Variants in PARD6G observed in about 807,000 individuals in gnomAD.
PARD6G encodes par-6 family cell polarity regulator gamma, also known as partitioning defective 6 homolog gamma.
In PARD6G, 7 loss-of-function variants were observed where a neutral mutation model predicts 10.7. That is an observed-to-expected ratio of 0.66 (90% CI 0.37 to 1.23). PARD6G has a LOEUF of 1.23. Among genes scored for constraint, PARD6G ranks in the 50% most tolerant of loss-of-function variants. The pLI is 0.02. For missense variants in PARD6G, 548 were observed against 571.8 expected, an observed-to-expected ratio of 0.96 and a Z score of 0.42; for synonymous variants, 287 against 269.4, an observed-to-expected ratio of 1.07 and a Z score of -0.64.
chr18:80,164,764 C>T (rs1225367187), intron 2 of PARD6G, among the ~76,000 whole-genome samples: 6 of 152,152 alleles, frequency 3.9e-5, no homozygotes, highest in Admixed American at 6.5e-5. Flanking sequence ...CATCACCTAT[C>T]GGTAGGTCCG....
At chr18:80,193,169 C>A (rs1268603167) in intron 2 of PARD6G, among the ~76,000 whole-genome samples, 1 of 152,244 alleles carries the variant, frequency 6.6e-6, no homozygotes, top group East Asian at 1.9e-4. Context: ...CTGACCCTGA[C>A]GTCCTCCCCA....
In PARD6G at chr18:80,180,165, G is replaced by A. The variant is rs1252932568; in HGVS notation, c.296-19559C>T. ...CCGGGACGGGAATGGCCATTGGTGT[G>A]TCAGCTGCTCACCTGGGCTTGGGTG... is the stretch of plus-strand genomic sequence containing the variant. On this transcript the variant is annotated intron_variant, in intron 2 of 2. Transcript: ENST00000353265. The surrounding 1 kb of genome is among the most constrained non-coding windows in gnomAD (Gnocchi z 5.6). Among the ~76,000 whole-genome samples the A allele has an allele frequency of 6.6e-6, 1 of 152,258 alleles. No homozygotes were observed. Among genetic ancestry groups the A allele is most frequent in the Non-Finnish European group, 1.5e-5 (1 of 68,042 alleles).
chr18:80,198,380 ATG>A (rs1391829863), intron 2 of PARD6G, among the ~76,000 whole-genome samples: 2 of 152,248 alleles, frequency 1.3e-5, no homozygotes, highest in Non-Finnish European at 2.9e-5. Context: ...AGTAAAACAA[ATG>A]TGTGACAGAT....
At chr18:80,196,384 T>C (rs1286706617) in intron 2 of PARD6G, among the ~76,000 whole-genome samples, 1 of 152,256 alleles carries the variant, frequency 6.6e-6, no homozygotes, top group African/African-American at 2.4e-5. Context: ...TTTACAAATA[T>C]GTTTTAAACA....
rs985473665 is a variant in PARD6G at position 80,159,450 on chromosome 18, A to T, written c.*321T>A. 1 of 261,326 alleles carries T rather than the reference A, an allele frequency of 3.8e-6. No homozygotes were observed. The allele number at this position is 261,326 out of a possible 1,614,324, so 16.2% of individuals were successfully genotyped here. On this transcript the variant is annotated 3_prime_UTR_variant, in exon 3 of 3. Coordinates refer to ENST00000353265, the MANE Select transcript of PARD6G (RefSeq NM_032510.4). ...TTTAAAAAAGTAATTTTAAAGCTTC[A>T]CTTTAAAAACAAAGTATTTGTAAAA... is the stretch of plus-strand genomic sequence containing the variant.
chr18:80,235,726 C>T (rs1288984972), intron 1 of PARD6G, among the ~76,000 whole-genome samples: 1 of 152,162 alleles, frequency 6.6e-6, no homozygotes, highest in Non-Finnish European at 1.5e-5. Context: ...ACTATAAACA[C>T]CTCTACACAA....
rs1269288275 is a variant in PARD6G at position 80,228,230 on chromosome 18, G to C, written c.72+19047C>G. On this transcript the variant is annotated intron_variant, in intron 1 of 2. Coordinates refer to ENST00000353265, the MANE Select transcript of PARD6G (RefSeq NM_032510.4). This position sits in a 1 kb window ranked among gnomAD's most constrained non-coding sequence, Gnocchi z 4.6. The stretch of plus-strand genomic sequence containing the variant: ...TGCTCAGGAAGTCACATCCCACGGG[G>C]GAGACGGCAGCGAGCAGAGAGACCC... Among the ~76,000 whole-genome samples the C allele has an allele frequency of 1.3e-5, 2 of 152,102 alleles. No individual in the cohort carries two copies. The highest frequency in any genetic ancestry group is 6.6e-5 in the Admixed American group (1 of 15,260).
chr18:80,194,188 C>T (rs748592301), intron 2 of PARD6G, among the ~76,000 whole-genome samples: 1 of 152,178 alleles, frequency 6.6e-6, no homozygotes, highest in Non-Finnish European at 1.5e-5. Context: ...CTCCTGGCCA[C>T]AGAAAACAAC....
chr18:80,165,131 C>T (rs2052726999), intron 2 of PARD6G, among the ~76,000 whole-genome samples: 1 of 152,176 alleles, frequency 6.6e-6, no homozygotes. Context: ...AGTTTCTCCC[C>T]ACCCTAGTAA....
rs904673466 is a variant in PARD6G, at chr18:80,175,230, G to A, written c.296-14624C>T. The stretch of plus-strand genomic sequence containing the variant: ...TTAATAATTGTTTTGCTGCAGAAGT[G>A]TGAACATAATGTGTGTCTTAGCTCC... On this transcript the variant is annotated intron_variant, in intron 2 of 2. Transcript: ENST00000353265. This position sits in a 1 kb window ranked among gnomAD's most constrained non-coding sequence, Gnocchi z 6.7. 1.3e-5 allele frequency among the ~76,000 whole-genome samples: 2 copies of A among 152,210 alleles called. No individual in the cohort carries two copies. The highest frequency in any genetic ancestry group is 2.9e-5 in the Non-Finnish European group (2 of 68,048).
intron 1 of PARD6G, among the ~76,000 whole-genome samples, chr18:80,216,619 A>C (rs1568439622): frequency 6.6e-6 from 1 of 152,152 alleles, no homozygotes; most frequent in Non-Finnish European, 1.5e-5. Flanking sequence ...CAGCTAAGGC[A>C]GTGTTGAAAA....
intron 1 of PARD6G, among the ~76,000 whole-genome samples, chr18:80,229,862 G>T (rs1460014292): frequency 6.6e-6 from 1 of 151,072 alleles, no homozygotes; most frequent in African/African-American, 2.5e-5. Context: ...CAGGAATGAG[G>T]AGGGCAGTGT....
At chr18:80,199,876 C>T (rs916428686) in intron 2 of PARD6G, among the ~76,000 whole-genome samples, 2 of 152,164 alleles carry the variant, frequency 1.3e-5, no homozygotes, top group South Asian at 2.1e-4. Flanking sequence ...AACTCCTGAC[C>T]TCAAGTGATC....
Position 80,175,049 on chromosome 18 carries a change from C to A in PARD6G, c.296-14443G>T, listed in dbSNP as rs1045489649. ...GCTCAGGGAGAGCACCCAACAGAGG[C>A]CAGGCTGGGATCAGAAGACTAAACA... is the stretch of plus-strand genomic sequence containing the variant. On this transcript the variant is annotated intron_variant, in intron 2 of 2. Transcript: ENST00000353265. This position sits in a 1 kb window ranked among gnomAD's most constrained non-coding sequence, Gnocchi z 6.7. Among the ~76,000 whole-genome samples, 1 of 152,120 alleles carries A rather than the reference C, an allele frequency of 6.6e-6. No homozygotes were observed. Among genetic ancestry groups the A allele is most frequent in the African/African-American group, 2.4e-5 (1 of 41,412 alleles).
At chr18:80,232,826 G>A (rs913235219) in intron 1 of PARD6G, among the ~76,000 whole-genome samples, 3 of 152,188 alleles carry the variant, frequency 2.0e-5, no homozygotes, top group African/African-American at 7.2e-5. Context: ...AGATGCATGA[G>A]GGCATTTAGG....
In PARD6G at chr18:80,201,894, C is replaced by G. The variant is rs1967011104; in HGVS notation, c.295+816G>C. 1 of 152,242 alleles carries G rather than the reference C, an allele frequency of 6.6e-6. No individual in the cohort carries two copies. The allele number at this position is 152,242 out of a possible 1,614,324, so 9.4% of individuals were successfully genotyped here. A position where few individuals can be genotyped will look rare whatever the true frequency, so the allele number is the denominator to read the frequency against. On this transcript the variant is annotated intron_variant, in intron 2 of 2. Transcript: ENST00000353265. The surrounding 1 kb of genome is among the most constrained non-coding windows in gnomAD (Gnocchi z 5.9). ...TCAGCTCAGCCTTTCCTCCGGGAAA[C>G]CTCTCCTAGCTGTCCCAGAGACTCT...
intron 2 of PARD6G, chr18:80,169,871 G>C (rs1263809547): frequency 2.0e-5 from 3 of 152,194 alleles, no homozygotes; most frequent in Non-Finnish European, 2.9e-5. Context: ...ACCTGCTCAC[G>C]GGCAAAGCAG....
In PARD6G at chr18:80,187,031, G is replaced by A. The variant is rs566478452; in HGVS notation, c.295+15679C>T. On this transcript the variant is annotated intron_variant, in intron 2 of 2. Transcript: ENST00000353265. ...GGAGAATGGCGTGAACCCGGGAGGT[G>A]GAGCTTGCAGTGAGCCGATTGCGCC... 5.9e-5 allele frequency among the ~76,000 whole-genome samples: 9 copies of A among 152,066 alleles called. No homozygotes were observed. The South Asian group carries it at 1.9e-3, about 32-fold the overall frequency.
rs201373415 is a variant in PARD6G at position 80,195,548 on chromosome 18, C to CATATATATATATATATATATATAT, written c.295+7138_295+7161dup. On this transcript the variant is annotated intron_variant, in intron 2 of 2. Coordinates refer to ENST00000353265, the MANE Select transcript of PARD6G (RefSeq NM_032510.4). The stretch of plus-strand genomic sequence containing the variant: ...CACACAATAAGAGTCTTCAAAGATA[C>CATATATATATATATATATATATAT]ATATATATATATATATATATATATA... 3.8e-3 allele frequency among the ~76,000 whole-genome samples: 309 copies of CATATATATATATATATATATATAT among 81,968 alleles called. 5 individuals carry two copies. Among genetic ancestry groups the CATATATATATATATATATATATAT allele is most frequent in the Middle Eastern group, 6.6e-3 (1 of 152 alleles). The allele number at this position is 81,968 out of a possible 152,430, so 53.8% of individuals were successfully genotyped here.
Sources: allele counts gnomAD v4.1 joint callset (sites outside exome capture counted in the v4.1 genomes callset), GRCh38; gene constraint gnomAD v4.1.1; non-coding constraint Gnocchi (gnomAD v3.1); transcripts MANE v1.5; gene names NCBI Gene and HGNC (gene_info 2026-07-23, HGNC 2026-07-21).